The following FYCO1 variants were observed in gnomAD, a reference collection of about 807,000 sequenced individuals.
FYCO1 encodes the protein FYVE and coiled-coil domain-containing protein 1.
A neutral mutation model predicts 165.1 loss-of-function variants in FYCO1; 122 were observed. The observed-to-expected ratio is 0.74, with a 90% CI of 0.64 to 0.86. FYCO1 has a LOEUF of 0.86. Among genes scored for constraint, FYCO1 ranks in the 40% least tolerant of loss-of-function variants. FYCO1 has a pLI of 0.00. For missense variants in FYCO1, 1,702 were observed against 1,810.3 expected, an observed-to-expected ratio of 0.94 and a Z score of 1.09; for synonymous variants, 648 against 742.5, an observed-to-expected ratio of 0.87 and a Z score of 2.07.
chr3:45,919,179 A>G lies in FYCO1; in HGVS notation c.*2586T>C, dbSNP rs1703011716. 6.6e-6 allele frequency: 1 copy of G among 152,050 alleles called. No homozygotes were observed. Among genetic ancestry groups the G allele is most frequent in the Non-Finnish European group, 1.5e-5 (1 of 68,020 alleles). The allele number at this position is 152,050 out of a possible 1,614,324, so 9.4% of individuals were successfully genotyped here. On this transcript the variant is annotated 3_prime_UTR_variant, in exon 18 of 18. Transcript: ENST00000296137. ...TACCACCTGCAGCAGTGGTTCTTCA[A>G]TTGCTATTTGCATTTCTTTAAAGTA...
intron 1 of FYCO1, among the ~76,000 whole-genome samples, chr3:45,991,919 G>A (rs1173277364): frequency 1.3e-5 from 2 of 152,162 alleles, no homozygotes; most frequent in Non-Finnish European, 2.9e-5. Flanking sequence ...ATTGGAACTG[G>A]TGAGTTTATA....
chr3:45,956,563 G>A (rs1705342513), intron 13 of FYCO1, among the ~76,000 whole-genome samples: 1 of 149,448 alleles, frequency 6.7e-6, no homozygotes, highest in African/African-American at 2.4e-5. Flanking sequence ...CTTTAGAAGT[G>A]AAGTTCTTCT....
chr3:45,987,518 G>A (rs901757237), intron 1 of FYCO1, among the ~76,000 whole-genome samples: 1 of 152,196 alleles, frequency 6.6e-6, no homozygotes, highest in Non-Finnish European at 1.5e-5. Context: ...AGTCACTGGA[G>A]AGAGCCAAAA....
intron 1 of FYCO1, among the ~76,000 whole-genome samples, chr3:45,995,009 T>C (rs947668274): frequency 4.6e-5 from 7 of 152,034 alleles, no homozygotes; most frequent in Admixed American, 4.6e-4. Context: ...CACATGTGCT[T>C]TTCTTACAAA....
chr3:45,982,879 G>A (rs1243210067), intron 2 of FYCO1, among the ~76,000 whole-genome samples: 1 of 152,282 alleles, frequency 6.6e-6, no homozygotes, highest in Non-Finnish European at 1.5e-5. Context: ...GCAATGGCTG[G>A]CACTGACAGC....
In FYCO1 at chr3:45,958,399, G is replaced by C. The variant is rs753119118; in HGVS notation, c.3799+9C>G. The C allele has an allele frequency of 6.2e-7, 1 of 1,611,290 alleles. No homozygotes were observed. The highest frequency in any genetic ancestry group is 8.5e-7 in the Non-Finnish European group (1 of 1,179,396). On this transcript the variant is annotated intron_variant, in intron 13 of 17. Transcript: ENST00000296137. ...AGAACATAGTAGGCAGTAGTAGCAGGAGACTGACCTTGGCCTCCTGTGGCC... is the reference window on the plus strand; with the variant it reads ...AGAACATAGTAGGCAGTAGTAGCAGCAGACTGACCTTGGCCTCCTGTGGCC...
chr3:45,949,479 T>C lies in FYCO1; in HGVS notation c.3944+5770A>G, dbSNP rs960749430. Among the ~76,000 whole-genome samples the C allele has an allele frequency of 2.8e-4, 43 of 152,280 alleles. 1 individual carries two copies. Among genetic ancestry groups the C allele is most frequent in the Admixed American group, 2.4e-3 (36 of 15,302 alleles). On this transcript the variant is annotated intron_variant, in intron 14 of 17. Coordinates refer to ENST00000296137, the MANE Select transcript of FYCO1 (RefSeq NM_024513.4). ...ATTTCCACGAGTCCCCATGGAGAGA[T>C]GCAGAAAGGTGTGATGAGAATGCAG... is the stretch of plus-strand genomic sequence containing the variant.
intron 15 of FYCO1, 139 bp downstream of exon 15, chr3:45,936,309 C>T: frequency 1.5e-6 from 1 of 675,552 alleles, no homozygotes. Flanking sequence ...ATAAGCTATG[C>T]CTGAAAAAAA....
chr3:45,937,399 C>T (rs1327210336), intron 14 of FYCO1, among the ~76,000 whole-genome samples: 2 of 152,240 alleles, frequency 1.3e-5, no homozygotes, highest in Admixed American at 6.5e-5. Context: ...CTGGAGGTCT[C>T]TGTGGCCCCC....
At chr3:45,952,932 G>A (rs1356786139) in intron 14 of FYCO1, among the ~76,000 whole-genome samples, 1 of 152,272 alleles carries the variant, frequency 6.6e-6, no homozygotes. Context: ...CATGGGGGTT[G>A]GGAGAACACT....
rs139044419 is a variant in FYCO1, at chr3:45,990,718, T to G, written c.-113+5004A>C. On this transcript the variant is annotated intron_variant, in intron 1 of 17. Coordinates refer to ENST00000296137, the MANE Select transcript of FYCO1 (RefSeq NM_024513.4). ...TTGCCCCACCATACAAACTAAACTT[T>G]GAGGCATAGAAATGTACAAAGATGT... 1.3e-3 allele frequency among the ~76,000 whole-genome samples: 196 copies of G among 152,344 alleles called. 1 individual carries two copies. The highest frequency in any genetic ancestry group is 0.01 in the Middle Eastern group (3 of 294).
intron 14 of FYCO1, among the ~76,000 whole-genome samples, chr3:45,941,594 T>C (rs1042063995): frequency 1.3e-5 from 2 of 152,298 alleles, no homozygotes; most frequent in Middle Eastern, 3.4e-3. Flanking sequence ...CTCCTCAAAT[T>C]TAGGTGAAAG....
chr3:45,918,461 A>G lies in FYCO1; in HGVS notation c.*3304T>C, dbSNP rs1188824751. 6.6e-6 allele frequency: 1 copy of G among 152,160 alleles called. No individual in the cohort carries two copies. The highest frequency in any genetic ancestry group is 1.9e-4 in the East Asian group (1 of 5,188). 9.4% of individuals were successfully genotyped at this position (152,160 alleles called of 1,614,324 possible). On this transcript the variant is annotated 3_prime_UTR_variant, in exon 18 of 18. Coordinates refer to ENST00000296137, the MANE Select transcript of FYCO1 (RefSeq NM_024513.4). ...GGCCGTCTCGATGGTCTTTGTGTAC[A>G]TGACCATCCTTGGTTCTAAGCATCA...
intron 4 of FYCO1, among the ~76,000 whole-genome samples, chr3:45,977,673 C>T (rs756640395): frequency 5.3e-5 from 8 of 151,902 alleles, no homozygotes; most frequent in Non-Finnish European, 8.8e-5. Context: ...GCCAAGAGCC[C>T]GATGCCGAGC....
chr3:45,978,640 C>T (rs1188552839), intron 4 of FYCO1, among the ~76,000 whole-genome samples: 1 of 152,196 alleles, frequency 6.6e-6, no homozygotes, highest in Non-Finnish European at 1.5e-5. Context: ...TGACTTTAAA[C>T]TGACTTCACA....
intron 4 of FYCO1, among the ~76,000 whole-genome samples, chr3:45,976,977 T>G (rs769806040): frequency 6.6e-6 from 1 of 152,170 alleles, no homozygotes; most frequent in African/African-American, 2.4e-5. Flanking sequence ...AAAACCACCA[T>G]GACATGTCTG....
At chr3:45,942,050 C>T (rs1006259870) in intron 14 of FYCO1, among the ~76,000 whole-genome samples, 2 of 152,218 alleles carry the variant, frequency 1.3e-5, no homozygotes, top group African/African-American at 2.4e-5. Flanking sequence ...ATGGTTCATG[C>T]CCATAAGGAA....
chr3:45,921,688 TA>T lies in FYCO1; in HGVS notation c.*76del. Reference sequence around the variant, plus strand: ...GATGATTTTGGAGCAGCTGACTTTTTAAAAAAATGCTTTATGTGACAGGTGA... The same window carrying T: ...GATGATTTTGGAGCAGCTGACTTTTTAAAAAATGCTTTATGTGACAGGTGA... On this transcript the variant is annotated 3_prime_UTR_variant, in exon 18 of 18. Coordinates refer to ENST00000296137, the MANE Select transcript of FYCO1 (RefSeq NM_024513.4). The T allele has an allele frequency of 3.8e-6, 4 of 1,062,186 alleles. No individual in the cohort carries two copies. The highest frequency in any genetic ancestry group is 5.9e-6 in the Non-Finnish European group (4 of 679,742). 65.8% of individuals were successfully genotyped at this position (1,062,186 alleles called of 1,614,324 possible). A position where few individuals can be genotyped will look rare whatever the true frequency, so the allele number is the denominator to read the frequency against.
At chr3:45,987,837 C>T (rs945733470) in intron 1 of FYCO1, among the ~76,000 whole-genome samples, 4 of 152,328 alleles carry the variant, frequency 2.6e-5, no homozygotes, top group Middle Eastern at 3.4e-3. Context: ...TTTCTGGAAA[C>T]CAGCCCTAAC....
Sources: allele counts gnomAD v4.1 joint callset (sites outside exome capture counted in the v4.1 genomes callset), GRCh38; gene constraint gnomAD v4.1.1; transcripts MANE v1.5; gene names NCBI Gene and HGNC (gene_info 2026-07-23, HGNC 2026-07-21).